The following IQGAP2 variants were observed in gnomAD, a reference collection of about 807,000 sequenced individuals.
IQGAP2 encodes the protein ras GTPase-activating-like protein IQGAP2.
A neutral mutation model predicts 201.3 loss-of-function variants in IQGAP2; 173 were observed. The observed-to-expected ratio is 0.86, with a 90% confidence interval of 0.76 to 0.98. The LOEUF (loss-of-function observed/expected upper bound fraction) is 0.98, where lower values mean the gene tolerates loss of function less well. Ranked by LOEUF, IQGAP2 falls within the 50% of genes least tolerant of loss-of-function variation. The probability of loss-of-function intolerance (pLI) is 0.00; values close to 1 mark genes in which losing one functional copy is unlikely to be tolerated. For synonymous variants in IQGAP2, 675 were observed against 673.9 expected (o/e 1.00, Z -0.03); for missense variants, 1,687 against 1,864.8 (o/e 0.90, Z 1.76).
At chr5:76,505,081 G>C (rs1402579585) in intron 2 of IQGAP2, among the ~76,000 whole-genome samples, 1 of 152,180 alleles carries the variant, frequency 6.6e-6, no homozygotes, top group Admixed American at 6.5e-5. Context: ...CAGTGTCTAG[G>C]GGGGTAAGCT....
At chr5:76,451,640 CAGAT>C (rs1753753086) in intron 1 of IQGAP2, among the ~76,000 whole-genome samples, 1 of 152,216 alleles carries the variant, frequency 6.6e-6, no homozygotes, top group African/African-American at 2.4e-5. Flanking sequence ...TCTAGAAGTT[CAGAT>C]AGATCAGTTA....
At chr5:76,459,289 C>CT in intron 1 of IQGAP2, among the ~76,000 whole-genome samples, 1 of 152,062 alleles carries the variant, frequency 6.6e-6, no homozygotes, top group African/African-American at 2.4e-5. Flanking sequence ...CTGTCTTCTG[C>CT]TGGGGGGTTA....
chr5:76,652,808 T>A lies in IQGAP2; in HGVS notation c.2153T>A (p.Ile718Asn), dbSNP rs1411521893. 1.2e-6 allele frequency: 2 copies of A among 1,607,788 alleles called. No individual in the cohort carries two copies. The highest frequency in any genetic ancestry group is 2.2e-5 in the South Asian group (2 of 90,954). ...KEYMHRRQTF[I>N]DNTDSIVKIQ... ...TATATGCACAGGCGGCAAACGTTCA[T>A]TGATAATACTGATTCTATTGTGAAG... Residue 718 changes from isoleucine to asparagine, a missense_variant, in exon 18 of 36, where the codon ATT becomes AAT. Transcript: ENST00000274364.
intron 2 of IQGAP2, among the ~76,000 whole-genome samples, chr5:76,471,976 C>T (rs759276003): frequency 6.6e-6 from 1 of 152,240 alleles, no homozygotes; most frequent in Non-Finnish European, 1.5e-5. Context: ...CCCTTCCCTC[C>T]CTTGTTCTCT....
chr5:76,584,260 A>G (rs935735804), intron 5 of IQGAP2, among the ~76,000 whole-genome samples: 2 of 152,194 alleles, frequency 1.3e-5, no homozygotes, highest in Admixed American at 6.6e-5. Flanking sequence ...AAACAGTTGC[A>G]TCAAGATCAT....
chr5:76,566,929 G>A (rs1444953427), intron 3 of IQGAP2, among the ~76,000 whole-genome samples: 2 of 151,852 alleles, frequency 1.3e-5, no homozygotes, highest in African/African-American at 4.8e-5. Flanking sequence ...ATTAGAGAGT[G>A]GTCCCAAGCA....
chr5:76,575,057 C>G (rs1333855269), intron 4 of IQGAP2, among the ~76,000 whole-genome samples: 1 of 151,884 alleles, frequency 6.6e-6, no homozygotes, highest in Non-Finnish European at 1.5e-5. Flanking sequence ...ATATATAAAC[C>G]TAAAAAAATC....
chr5:76,477,548 C>A (rs1031992227), intron 2 of IQGAP2, among the ~76,000 whole-genome samples: 1 of 152,046 alleles, frequency 6.6e-6, no homozygotes, highest in Non-Finnish European at 1.5e-5. Context: ...GAAAGTATAG[C>A]GCATACAAAT....
intron 17 of IQGAP2, among the ~76,000 whole-genome samples, chr5:76,644,295 C>CTTT (rs547155944): frequency 0.046 from 2,172 of 47,526 alleles, 475 homozygotes; most frequent in African/African-American, 0.13. Context: ...TTTGTAAATC[C>CTTT]TTTTTTTTTT....
intron 2 of IQGAP2, among the ~76,000 whole-genome samples, chr5:76,546,510 C>G: frequency 6.6e-6 from 1 of 152,052 alleles, no homozygotes; most frequent in South Asian, 2.1e-4. Flanking sequence ...AATTGATATA[C>G]CAGGCGTCAT....
chr5:76,664,928 C>A, intron 21 of IQGAP2, 98 bp from the exon 22 acceptor site: 1 of 702,742 alleles, frequency 1.4e-6, no homozygotes, highest in East Asian at 2.6e-5. Flanking sequence ...TGAGGTATGC[C>A]TGTATTTCCA....
chr5:76,540,278 A>C (rs1053967745), intron 2 of IQGAP2, among the ~76,000 whole-genome samples: 22 of 152,312 alleles, frequency 1.4e-4, no homozygotes, highest in Middle Eastern at 6.8e-3. Context: ...TTCATTGTTC[A>C]TTTATTAAGT....
chr5:76,555,825 G>A (rs1198012426), intron 2 of IQGAP2, among the ~76,000 whole-genome samples: 1 of 152,144 alleles, frequency 6.6e-6, no homozygotes, highest in Non-Finnish European at 1.5e-5. Flanking sequence ...AGAGAGAGGA[G>A]GTTTATCCAT....
intron 1 of IQGAP2, among the ~76,000 whole-genome samples, chr5:76,419,071 G>A (rs1751573229): frequency 6.6e-6 from 1 of 152,132 alleles, no homozygotes; most frequent in Non-Finnish European, 1.5e-5. Flanking sequence ...TGTGTTCCCT[G>A]GATATTGTCA....
chr5:76,450,280 A>G (rs1034541944), intron 1 of IQGAP2, among the ~76,000 whole-genome samples: 1 of 151,876 alleles, frequency 6.6e-6, no homozygotes, highest in African/African-American at 2.4e-5. Flanking sequence ...TGCCAACCCA[A>G]CTCCCTTCCC....
At position 76,427,445 on chromosome 5, in the gene IQGAP2, C is replaced by T. The variant is rs115696811; in HGVS notation, c.46+23854C>T. On this transcript the variant is annotated intron_variant, in intron 1 of 35. Transcript: ENST00000274364. ...AAATAAAGTGAGCTGAGCTCTCCCC[C>T]CTCCCCTTTCAAGAGTGCATGAATA... 2.3e-3 allele frequency among the ~76,000 whole-genome samples: 348 copies of T among 152,222 alleles called. 1 individual carries two copies. Among genetic ancestry groups the T allele is most frequent in the African/African-American group, 7.8e-3 (323 of 41,526 alleles).
chr5:76,644,220 A>G (rs149321171), intron 17 of IQGAP2, among the ~76,000 whole-genome samples: 101 of 151,930 alleles, frequency 6.6e-4, no homozygotes, highest in African/African-American at 2.3e-3. Flanking sequence ...AACAAAACAA[A>G]TAAGATGGCT....
chr5:76,537,548 G>A (rs998184054), intron 2 of IQGAP2, among the ~76,000 whole-genome samples: 1 of 151,384 alleles, frequency 6.6e-6, no homozygotes, highest in Non-Finnish European at 1.5e-5. Flanking sequence ...TGTAGTTGTC[G>A]AGTACTGGTA....
chr5:76,474,399 A>C (rs1475463558), intron 2 of IQGAP2, among the ~76,000 whole-genome samples: 1 of 152,220 alleles, frequency 6.6e-6, no homozygotes, highest in African/African-American at 2.4e-5. Flanking sequence ...TAAATGCTGC[A>C]AATGGTTTGG....
Sources: gnomAD v4.1 joint callset for allele counts (sites outside exome capture counted in the v4.1 genomes callset) on GRCh38, gnomAD v4.1.1 for gene constraint, MANE v1.5 for transcripts, NCBI Gene and HGNC (gene_info 2026-07-23, HGNC 2026-07-21) for gene names.